Variants in KCNH5 observed in about 807,000 individuals in gnomAD.
KCNH5 encodes the protein potassium voltage-gated channel subfamily H member 5.
In KCNH5, 46 loss-of-function variants were observed where a neutral mutation model predicts 96.1. The ratio of observed to expected loss-of-function variants is 0.48; its 90% CI spans 0.38 to 0.61. The LOEUF is 0.61. Among genes scored for constraint, KCNH5 ranks in the 20% least tolerant of loss-of-function variants. The pLI is 0.00. For synonymous variants in KCNH5, 439 were observed against 449.8 expected (o/e 0.98, Z 0.30); for missense variants, 907 against 1,225.8 (o/e 0.74, Z 3.88).
intron 1 of KCNH5, among the ~76,000 whole-genome samples, chr14:63,025,320 C>A (rs1190398920): frequency 6.6e-6 from 1 of 151,944 alleles, no homozygotes; most frequent in Non-Finnish European, 1.5e-5. Context: ...AGGAACAAGA[C>A]AAGGATCCTG....
intron 7 of KCNH5, among the ~76,000 whole-genome samples, chr14:62,880,535 G>A (rs1888471907): frequency 6.6e-6 from 1 of 152,162 alleles, no homozygotes; most frequent in Non-Finnish European, 1.5e-5. Flanking sequence ...TCAGCAGCCA[G>A]GAGAGTCCTC....
intron 8 of KCNH5, among the ~76,000 whole-genome samples, chr14:62,841,704 C>T (rs1019068799): frequency 2.0e-5 from 3 of 152,196 alleles, no homozygotes; most frequent in Non-Finnish European, 4.4e-5. Flanking sequence ...GTATTATAAC[C>T]GCAATAGACT....
intron 7 of KCNH5, among the ~76,000 whole-genome samples, chr14:62,870,369 C>T (rs1888229466): frequency 6.6e-6 from 1 of 152,142 alleles, no homozygotes. Context: ...AATGTCATGA[C>T]TTCTTCATCT....
chr14:62,864,202 CTT>C (rs1888090306), intron 7 of KCNH5, among the ~76,000 whole-genome samples: 1 of 152,110 alleles, frequency 6.6e-6, no homozygotes, highest in Non-Finnish European at 1.5e-5. Context: ...TGTATAAAGA[CTT>C]TTCTGTATTA....
chr14:62,725,545 G>C (rs1884907730), intron 10 of KCNH5, among the ~76,000 whole-genome samples: 1 of 152,114 alleles, frequency 6.6e-6, no homozygotes, highest in Non-Finnish European at 1.5e-5. Context: ...GAATGGGAAA[G>C]TATGAGAGTT....
chr14:62,941,125 A>G (rs1436808084), intron 7 of KCNH5, among the ~76,000 whole-genome samples: 1 of 152,226 alleles, frequency 6.6e-6, no homozygotes, highest in African/African-American at 2.4e-5. Context: ...AATGTATACC[A>G]GAACACCTGG....
At chr14:62,755,609 CCAAA>C (rs1885604530) in intron 10 of KCNH5, among the ~76,000 whole-genome samples, 3 of 152,026 alleles carry the variant, frequency 2.0e-5, no homozygotes, top group Admixed American at 1.3e-4. Flanking sequence ...GATACCAAAA[CCAAA>C]CAAAGATGCA....
At chr14:62,709,142 A>G (rs1884511749) in intron 10 of KCNH5, among the ~76,000 whole-genome samples, 1 of 145,876 alleles carries the variant, frequency 6.9e-6, no homozygotes, top group Admixed American at 7.1e-5. Context: ...CTGAGGCAGG[A>G]GAATGGCGTG....
chr14:63,011,968 T>G (rs1405580352), intron 2 of KCNH5, among the ~76,000 whole-genome samples: 1 of 152,206 alleles, frequency 6.6e-6, no homozygotes, highest in Non-Finnish European at 1.5e-5. Flanking sequence ...TGAGAGCATC[T>G]ATCTACCCCT....
chr14:62,787,644 G>T (rs1225147984), intron 9 of KCNH5, among the ~76,000 whole-genome samples: 2 of 152,160 alleles, frequency 1.3e-5, no homozygotes. Context: ...AACTTTAAAG[G>T]ATAGGCTAAC....
At chr14:62,902,182 G>A (rs915970345) in intron 7 of KCNH5, among the ~76,000 whole-genome samples, 4 of 151,722 alleles carry the variant, frequency 2.6e-5, no homozygotes, top group Non-Finnish European at 4.4e-5. Flanking sequence ...CTCAGTTGAT[G>A]GTTTCTTTTG....
At chr14:62,830,061 G>T (rs1042499114) in intron 8 of KCNH5, among the ~76,000 whole-genome samples, 1 of 152,124 alleles carries the variant, frequency 6.6e-6, no homozygotes, top group Non-Finnish European at 1.5e-5. Flanking sequence ...CATCTCTAGG[G>T]CAGGGGCAAA....
chr14:62,901,461 A>G (rs1193738664), intron 7 of KCNH5, among the ~76,000 whole-genome samples: 1 of 152,152 alleles, frequency 6.6e-6, no homozygotes, highest in African/African-American at 2.4e-5. Flanking sequence ...TCCCACTTAA[A>G]AGTGGAAACC....
intron 5 of KCNH5, among the ~76,000 whole-genome samples, chr14:62,986,094 G>A (rs751471245): frequency 6.6e-6 from 1 of 152,092 alleles, no homozygotes; most frequent in African/African-American, 2.4e-5. Context: ...GCTGACAACC[G>A]TGGTCATGCT....
At position 62,715,600 on chromosome 14, in the gene KCNH5, G is replaced by A. The variant is rs956975614; in HGVS notation, c.2020-7145C>T. ...AAATGACCATTCTACAAATTTAGAT[G>A]TGCTTAGGGTAACAATGATGCATGA... On this transcript the variant is annotated intron_variant, in intron 10 of 10. Transcript: ENST00000322893. Among the ~76,000 whole-genome samples, 25 of 152,200 alleles carry A rather than the reference G, an allele frequency of 1.6e-4. 1 individual carries two copies. The highest frequency in any genetic ancestry group is 6.0e-4 in the African/African-American group (25 of 41,438).
chr14:62,870,303 C>T (rs945650787), intron 7 of KCNH5, among the ~76,000 whole-genome samples: 3 of 152,122 alleles, frequency 2.0e-5, no homozygotes, highest in African/African-American at 7.2e-5. Context: ...CTGCTTGGAG[C>T]AATCACATGT....
intron 8 of KCNH5, among the ~76,000 whole-genome samples, chr14:62,830,772 G>A (rs577284248): frequency 1.7e-4 from 26 of 152,236 alleles, no homozygotes; most frequent in African/African-American, 9.6e-5. Flanking sequence ...AAAAGGAAGA[G>A]TTAGGTCAAG....
At chr14:62,959,515 A>T (rs924055950) in intron 6 of KCNH5, among the ~76,000 whole-genome samples, 1 of 151,862 alleles carries the variant, frequency 6.6e-6, no homozygotes, top group African/African-American at 2.4e-5. Flanking sequence ...TGCTTTGTTA[A>T]TGTGTCTCTT....
intron 10 of KCNH5, among the ~76,000 whole-genome samples, chr14:62,710,987 A>G (rs1468381373): frequency 6.6e-6 from 1 of 152,192 alleles, no homozygotes; most frequent in Non-Finnish European, 1.5e-5. Context: ...TAATGTCTAC[A>G]TGTCCTGCCA....
Sources: gnomAD v4.1 joint callset for allele counts (sites outside exome capture counted in the v4.1 genomes callset) on GRCh38, gnomAD v4.1.1 for gene constraint, MANE v1.5 for transcripts, NCBI Gene and HGNC (gene_info 2026-07-23, HGNC 2026-07-21) for gene names.